PSD3: variants seen among roughly 807,000 people sequenced by gnomAD.
PSD3 encodes PH and SEC7 domain-containing protein 3.
PSD3 carries 49 observed loss-of-function variants against 105.5 expected under a neutral mutation model. That is an observed-to-expected ratio of 0.46 (90% CI 0.37 to 0.59). The LOEUF (loss-of-function observed/expected upper bound fraction) is 0.59. Among genes scored for constraint, PSD3 ranks in the 20% least tolerant of loss-of-function variants. The pLI is 0.00. For missense variants in PSD3, 1,561 were observed against 1,263.8 expected (o/e 1.24, Z -3.57); for synonymous variants, 557 against 457.8 (o/e 1.22, Z -2.77).
intron 8 of PSD3, among the ~76,000 whole-genome samples, chr8:18,798,544 T>C (rs1260538614): frequency 6.6e-6 from 1 of 152,174 alleles, no homozygotes; most frequent in African/African-American, 2.4e-5. Context: ...ATTTTTTATA[T>C]GTAATTTTTA....
At chr8:18,587,032 A>C (rs1405129059) in intron 12 of PSD3, among the ~76,000 whole-genome samples, 1 of 152,160 alleles carries the variant, frequency 6.6e-6, no homozygotes, top group Non-Finnish European at 1.5e-5. Context: ...GAATGACACT[A>C]ACTTTGGGCC....
chr8:18,842,261 G>A (rs1814688819), intron 4 of PSD3, among the ~76,000 whole-genome samples: 1 of 152,144 alleles, frequency 6.6e-6, no homozygotes, highest in African/African-American at 2.4e-5. Context: ...ATAAACCCAA[G>A]GCAGCTGAAG....
intron 1 of PSD3, among the ~76,000 whole-genome samples, chr8:18,994,127 T>C (rs944344008): frequency 6.6e-6 from 1 of 152,006 alleles, no homozygotes; most frequent in Non-Finnish European, 1.5e-5. Context: ...TTCACATCTA[T>C]AAAATGTGAG....
chr8:18,981,709 C>T (rs1235971362), intron 1 of PSD3, among the ~76,000 whole-genome samples: 1 of 152,080 alleles, frequency 6.6e-6, no homozygotes, highest in Non-Finnish European at 1.5e-5. Flanking sequence ...ATACTGCAGT[C>T]TATTAACTGT....
chr8:18,537,063 T>G (rs148277436), intron 15 of PSD3, among the ~76,000 whole-genome samples: 1 of 152,306 alleles, frequency 6.6e-6, no homozygotes, highest in East Asian at 1.9e-4. Flanking sequence ...AATTTAGAAG[T>G]GCTACCTTTT....
intron 1 of PSD3, among the ~76,000 whole-genome samples, chr8:19,052,376 G>T (rs1828559047): frequency 6.6e-6 from 1 of 151,678 alleles, no homozygotes; most frequent in African/African-American, 2.4e-5. Flanking sequence ...GGAGGCTGAG[G>T]CAGGAGAATC....
chr8:18,793,454 C>A (rs1378647295), intron 8 of PSD3, among the ~76,000 whole-genome samples: 1 of 149,204 alleles, frequency 6.7e-6, no homozygotes, highest in Non-Finnish European at 1.5e-5. Context: ...ATGTAACAAA[C>A]CTGCACATCC....
intron 1 of PSD3, among the ~76,000 whole-genome samples, chr8:18,962,586 G>T (rs889820664): frequency 6.6e-6 from 1 of 152,194 alleles, no homozygotes; most frequent in African/African-American, 2.4e-5. Flanking sequence ...GTTAGGTTGA[G>T]AATGGGTTAG....
chr8:18,542,443 G>C (rs557614040), intron 15 of PSD3, among the ~76,000 whole-genome samples: 1 of 152,158 alleles, frequency 6.6e-6, no homozygotes, highest in South Asian at 2.1e-4. Flanking sequence ...ATCTGCTGTT[G>C]GTACTAAACA....
At chr8:18,593,075 T>C (rs1044705492) in intron 12 of PSD3, among the ~76,000 whole-genome samples, 17 of 152,228 alleles carry the variant, frequency 1.1e-4, no homozygotes, top group African/African-American at 3.6e-4. Context: ...AAGGACTTCA[T>C]GTCTAAAACA....
chr8:18,795,326 G>C (rs1441333063), intron 8 of PSD3, among the ~76,000 whole-genome samples: 1 of 152,176 alleles, frequency 6.6e-6, no homozygotes, highest in Non-Finnish European at 1.5e-5. Context: ...CCCAGCCCGA[G>C]AAAGAGAGCT....
intron 9 of PSD3, chr8:18,683,862 G>C: frequency 1.3e-6 from 1 of 765,302 alleles, no homozygotes; most frequent in Admixed American, 1.7e-5. Flanking sequence ...ATCCTCCCGG[G>C]AGTATTTCAC....
Position 18,575,388 on chromosome 8 carries a change from TA to T in PSD3, c.2482-104del, listed in dbSNP as rs1332592994. On this transcript the variant is annotated intron_variant, in intron 12 of 15. Coordinates refer to ENST00000327040, the MANE Select transcript of PSD3 (RefSeq NM_015310.4). ...AAAAATAGTTTTTAGGAAATCCAAG[TA>T]AGTGAATGAAAAAAATGAAACAAAC... The T allele has an allele frequency of 3.6e-6, 4 of 1,101,858 alleles. No individual in the cohort carries two copies. The East Asian group carries it at 1.1e-4, about 31-fold the overall frequency. 68.3% of individuals were successfully genotyped at this position (1,101,858 alleles called of 1,614,324 possible). A position where few individuals can be genotyped will look rare whatever the true frequency, so the allele number is the denominator to read the frequency against.
intron 1 of PSD3, among the ~76,000 whole-genome samples, chr8:19,044,133 A>T (rs1180960142): frequency 2.6e-5 from 4 of 152,206 alleles, no homozygotes; most frequent in Admixed American, 2.6e-4. Flanking sequence ...GATGAGCTCT[A>T]CGAATCTGCT....
In PSD3 at chr8:18,861,386, G is replaced by C. The variant is rs1407087196; in HGVS notation, c.1634+6288C>G. On this transcript the variant is annotated intron_variant, in intron 4 of 15. Transcript: ENST00000327040. ...TCCTCAGCCCACTCCTCACCCTTGA[G>C]AGCCCTCTCATAACCACAGCTGCAA... Among the ~76,000 whole-genome samples, 3 of 152,120 alleles carry C rather than the reference G, an allele frequency of 2.0e-5. No individual in the cohort carries two copies. The East Asian group carries it at 5.8e-4, about 29-fold the overall frequency.
At chr8:18,882,280 A>G (rs1440809906) in intron 2 of PSD3, among the ~76,000 whole-genome samples, 2 of 152,194 alleles carry the variant, frequency 1.3e-5, no homozygotes, top group Non-Finnish European at 2.9e-5. Context: ...AACATAAGCA[A>G]AACACTATAT....
chr8:18,553,910 G>A (rs1048885324), intron 15 of PSD3, among the ~76,000 whole-genome samples: 1 of 152,118 alleles, frequency 6.6e-6, no homozygotes, highest in Non-Finnish European at 1.5e-5. Flanking sequence ...TGACATATTA[G>A]CATATGGGTC....
At chr8:18,700,928 T>C (rs926101239) in intron 9 of PSD3, among the ~76,000 whole-genome samples, 1 of 152,160 alleles carries the variant, frequency 6.6e-6, no homozygotes, top group African/African-American at 2.4e-5. Context: ...CCAAGGTCTT[T>C]GGAAATTTAA....
intron 12 of PSD3, among the ~76,000 whole-genome samples, chr8:18,579,617 T>C (rs947224307): frequency 7.9e-5 from 12 of 152,198 alleles, no homozygotes; most frequent in African/African-American, 2.9e-4. Context: ...AAAAGCTTTT[T>C]TTCCCTGAGA....
Sources: allele counts gnomAD v4.1 joint callset (sites outside exome capture counted in the v4.1 genomes callset), GRCh38; gene constraint gnomAD v4.1.1; transcripts MANE v1.5; gene names NCBI Gene and HGNC (gene_info 2026-07-23, HGNC 2026-07-21).